KLF12: variants seen among roughly 807,000 people sequenced by gnomAD.
The protein encoded by KLF12 is KLF transcription factor 12.
KLF12 carries 9 observed loss-of-function variants against 37.8 expected under a neutral mutation model. The observed-to-expected ratio is 0.24, with a 90% confidence interval of 0.14 to 0.42. KLF12 has a LOEUF of 0.42. KLF12 is among the 10% of genes least tolerant of loss of function. The pLI is 1.00. For synonymous variants in KLF12, 208 were observed against 202.1 expected (o/e 1.03, Z -0.25); for missense variants, 411 against 516.0 (o/e 0.80, Z 1.97).
At chr13:74,070,844 A>G (rs1024100554) in intron 1 of KLF12, among the ~76,000 whole-genome samples, 2 of 152,114 alleles carry the variant, frequency 1.3e-5, no homozygotes, top group African/African-American at 2.4e-5. Flanking sequence ...AGTAAAAGAT[A>G]TTTCATGAGG....
intron 1 of KLF12, among the ~76,000 whole-genome samples, chr13:74,064,671 T>C (rs17062063): frequency 0.091 from 13,904 of 152,210 alleles, 902 homozygotes; most frequent in African/African-American, 0.15. Context: ...AGGTCAATTA[T>C]AAATGTCATT....
chr13:74,072,364 A>AATAAATATAT (rs1555269594), intron 1 of KLF12, among the ~76,000 whole-genome samples: 1 of 63,064 alleles, frequency 1.6e-5, no homozygotes, highest in Non-Finnish European at 3.2e-5. Flanking sequence ...AAGAAATACA[A>AATAAATATAT]ATATATATAT....
chr13:73,735,200 A>C (rs1268020080), intron 6 of KLF12, among the ~76,000 whole-genome samples: 1 of 151,056 alleles, frequency 6.6e-6, no homozygotes, highest in Non-Finnish European at 1.5e-5. Flanking sequence ...GGGAGGCTGA[A>C]GCAGGAAGGT....
rs1359324728 is a variant in KLF12 at position 73,861,985 on chromosome 13, A to G, written c.124-15612T>C. ...CTACGTGTTCCTAGCCCTTCATATT[A>G]TAAGTATTAATTGAATAGTTTTCAT... On this transcript the variant is annotated intron_variant, in intron 3 of 7. Coordinates refer to ENST00000377669, the MANE Select transcript of KLF12 (RefSeq NM_007249.5). Among the ~76,000 whole-genome samples the G allele has an allele frequency of 3.3e-5, 5 of 151,940 alleles. No individual in the cohort carries two copies. The East Asian group carries it at 5.8e-4, about 18-fold the overall frequency.
rs143474067 is a variant in KLF12, at chr13:73,902,980, T to C, written c.123+41001A>G. Reference sequence around the variant, plus strand: ...ATCTATCTGTATATTCTCCATTAGTTTATCTAATAGGACACAGCTGGTTTA... The same window carrying C: ...ATCTATCTGTATATTCTCCATTAGTCTATCTAATAGGACACAGCTGGTTTA... On this transcript the variant is annotated intron_variant, in intron 3 of 7. Transcript: ENST00000377669. 1.4e-3 allele frequency among the ~76,000 whole-genome samples: 219 copies of C among 152,354 alleles called. 1 individual carries two copies. The highest frequency in any genetic ancestry group is 5.0e-3 in the African/African-American group (210 of 41,586).
At chr13:73,849,025 G>A (rs773854461) in intron 3 of KLF12, among the ~76,000 whole-genome samples, 4 of 152,042 alleles carry the variant, frequency 2.6e-5, no homozygotes, top group Non-Finnish European at 4.4e-5. Context: ...CAATGATTAT[G>A]GTGCAGGTAA....
the KLF12 span, among the ~76,000 whole-genome samples, chr13:74,202,613 C>T: frequency 6.6e-6 from 1 of 152,144 alleles, no homozygotes; most frequent in African/African-American, 2.4e-5. Flanking sequence ...CAACCTCTCC[C>T]TCTGTTTTTC....
intron 2 of KLF12, among the ~76,000 whole-genome samples, chr13:73,953,736 A>G (rs909609510): frequency 1.3e-5 from 2 of 152,204 alleles, no homozygotes; most frequent in African/African-American, 4.8e-5. Context: ...ACTTTCTACA[A>G]CATGGATCAG....
chr13:73,885,141 T>C (rs1375158857), intron 3 of KLF12, among the ~76,000 whole-genome samples: 1 of 152,220 alleles, frequency 6.6e-6, no homozygotes, highest in Non-Finnish European at 1.5e-5. Flanking sequence ...CAGATTCCCA[T>C]AGCCAACAGT....
intron 1 of KLF12, among the ~76,000 whole-genome samples, chr13:74,064,473 T>C (rs1873793899): frequency 6.6e-6 from 1 of 152,240 alleles, no homozygotes; most frequent in Non-Finnish European, 1.5e-5. Context: ...GTTTTGTTTA[T>C]GTTAATCCAG....
At chr13:74,302,230 G>A in the KLF12 span, among the ~76,000 whole-genome samples, 1 of 152,110 alleles carries the variant, frequency 6.6e-6, no homozygotes, top group Non-Finnish European at 1.5e-5. Context: ...CCATTTCTAT[G>A]TATATAGTCA....
chr13:74,018,084 C>CT (rs113838831), intron 1 of KLF12, among the ~76,000 whole-genome samples: 137 of 143,414 alleles, frequency 9.6e-4, no homozygotes, highest in South Asian at 2.3e-3. Flanking sequence ...ATAATTACTG[C>CT]TTTTTTTTTT....
At chr13:74,247,083 GCTT>G in the KLF12 span, among the ~76,000 whole-genome samples, 1 of 152,146 alleles carries the variant, frequency 6.6e-6, no homozygotes, top group Admixed American at 6.5e-5. Flanking sequence ...GAAGCAGTAA[GCTT>G]CTTTTTTTTC....
At chr13:73,807,073 C>T (rs906239570) in intron 5 of KLF12, among the ~76,000 whole-genome samples, 5 of 152,114 alleles carry the variant, frequency 3.3e-5, no homozygotes, top group African/African-American at 9.7e-5. Context: ...TTTGGAAGGC[C>T]GAGGTGGGTG....
chr13:73,688,402 T>C lies in KLF12; in HGVS notation c.*7088A>G, dbSNP rs575542918. On this transcript the variant is annotated 3_prime_UTR_variant, in exon 8 of 8. Transcript: ENST00000377669. ...CTTTATCATCATCTGAACGTTTGATTGCCACCCCATTACCAACTGCAAGAG... is the reference window on the plus strand; with the variant it reads ...CTTTATCATCATCTGAACGTTTGATCGCCACCCCATTACCAACTGCAAGAG... The C allele has an allele frequency of 7.9e-5, 12 of 152,310 alleles. No homozygotes were observed. The South Asian group carries it at 2.5e-3, about 32-fold the overall frequency. 9.4% of individuals were successfully genotyped at this position (152,310 alleles called of 1,614,324 possible).
chr13:73,960,733 A>G (rs1890997389), intron 2 of KLF12, among the ~76,000 whole-genome samples: 1 of 152,212 alleles, frequency 6.6e-6, no homozygotes, highest in African/African-American at 2.4e-5. Flanking sequence ...TGAATCTGTT[A>G]TACAGCTTGA....
chr13:73,863,322 G>A (rs1886017895), intron 3 of KLF12, among the ~76,000 whole-genome samples: 1 of 152,100 alleles, frequency 6.6e-6, no homozygotes, highest in South Asian at 2.1e-4. Flanking sequence ...GTATTGTAGA[G>A]GTGTTACGGC....
chr13:73,813,373 C>G, intron 4 of KLF12, 86 bp from the exon 5 acceptor site: 1 of 1,406,550 alleles, frequency 7.1e-7, no homozygotes, highest in Non-Finnish European at 9.9e-7. Context: ...TATGGAACTT[C>G]TGTGCATATC....
intron 1 of KLF12, among the ~76,000 whole-genome samples, chr13:74,104,903 G>A (rs141648195): frequency 3.0e-4 from 45 of 152,160 alleles, no homozygotes; most frequent in African/African-American, 4.3e-4. Flanking sequence ...CCCCTCCCCC[G>A]CGATGTATAA....
Sources: gnomAD v4.1 joint callset for allele counts (sites outside exome capture counted in the v4.1 genomes callset) on GRCh38, gnomAD v4.1.1 for gene constraint, MANE v1.5 for transcripts, NCBI Gene and HGNC (gene_info 2026-07-23, HGNC 2026-07-21) for gene names.